NR6A1: variants seen among roughly 807,000 people sequenced by gnomAD.
The protein encoded by NR6A1 is nuclear receptor subfamily 6 group A member 1.
NR6A1 carries 7 observed loss-of-function variants against 59.1 expected under a neutral mutation model. The ratio of observed to expected loss-of-function variants is 0.12; its 90% CI spans 0.07 to 0.22. The LOEUF is 0.22. Among genes scored for constraint, NR6A1 ranks in the 10% least tolerant of loss-of-function variants. The pLI, the probability that NR6A1 is intolerant of heterozygous loss-of-function variation, is 1.00. For missense variants in NR6A1, 468 were observed against 611.6 expected (o/e 0.77, Z 2.48); for synonymous variants, 243 against 236.1 (o/e 1.03, Z -0.27).
intron 1 of NR6A1, among the ~76,000 whole-genome samples, chr9:124,751,853 T>A (rs1468235159): frequency 9.2e-5 from 14 of 152,258 alleles, no homozygotes; most frequent in Admixed American, 9.2e-4. Flanking sequence ...ATTTTAAGGA[T>A]GCTATTTAAA....
chr9:124,704,736 AAAAT>A (rs1455585802), intron 2 of NR6A1, among the ~76,000 whole-genome samples: 3 of 152,058 alleles, frequency 2.0e-5, no homozygotes, highest in Non-Finnish European at 2.9e-5. Flanking sequence ...TTAGTTAAAA[AAAAT>A]TTTTGTGTGT....
At chr9:124,689,580 G>C (rs935450824) in intron 2 of NR6A1, among the ~76,000 whole-genome samples, 15 of 152,236 alleles carry the variant, frequency 9.9e-5, no homozygotes, top group African/African-American at 3.6e-4. Flanking sequence ...GGATTTTCAT[G>C]GCTGTGTGTG....
chr9:124,527,483 G>T (rs1487246958), intron 7 of NR6A1, among the ~76,000 whole-genome samples: 1 of 152,212 alleles, frequency 6.6e-6, no homozygotes, highest in Admixed American at 6.5e-5. Flanking sequence ...AACGTTAACT[G>T]AGTTTCCATA....
chr9:124,573,612 T>C (rs1044193059), intron 2 of NR6A1, among the ~76,000 whole-genome samples: 1 of 152,244 alleles, frequency 6.6e-6, no homozygotes, highest in South Asian at 2.1e-4. Flanking sequence ...TTCTGACACC[T>C]ATCTTCATTA....
intron 2 of NR6A1, chr9:124,698,556 C>T (rs142550082): frequency 2.0e-5 from 3 of 152,310 alleles, no homozygotes; most frequent in Admixed American, 6.5e-5. Context: ...CAACAAGATC[C>T]AACTGGACTT....
intron 2 of NR6A1, among the ~76,000 whole-genome samples, chr9:124,719,519 T>A (rs1839502645): frequency 6.6e-6 from 1 of 152,202 alleles, no homozygotes; most frequent in Non-Finnish European, 1.5e-5. Context: ...AATTATTTAA[T>A]GTAGGAGCTG....
At chr9:124,666,727 T>C (rs1837633039) in intron 2 of NR6A1, among the ~76,000 whole-genome samples, 1 of 152,194 alleles carries the variant, frequency 6.6e-6, no homozygotes, top group South Asian at 2.1e-4. Context: ...GTTGACAGCT[T>C]AGTATATCCC....
chr9:124,596,075 C>T (rs1475898366), intron 2 of NR6A1, among the ~76,000 whole-genome samples: 1 of 152,212 alleles, frequency 6.6e-6, no homozygotes, highest in East Asian at 1.9e-4. Flanking sequence ...GGAACCATTT[C>T]ATGGGAAATT....
At chr9:124,726,082 G>A (rs1839708706) in intron 2 of NR6A1, among the ~76,000 whole-genome samples, 1 of 152,202 alleles carries the variant, frequency 6.6e-6, no homozygotes, top group African/African-American at 2.4e-5. Flanking sequence ...ATTGGGTGAT[G>A]TCAAAGGCAT....
At chr9:124,706,109 G>T (rs890450238) in intron 2 of NR6A1, among the ~76,000 whole-genome samples, 11 of 152,028 alleles carry the variant, frequency 7.2e-5, no homozygotes, top group Non-Finnish European at 1.6e-4. Context: ...ATATTTTGTT[G>T]TTTACTTAGT....
At chr9:124,700,932 T>A (rs1838928377) in intron 2 of NR6A1, among the ~76,000 whole-genome samples, 1 of 152,028 alleles carries the variant, frequency 6.6e-6, no homozygotes, top group Non-Finnish European at 1.5e-5. Context: ...AGCTAATTTT[T>A]GTATTTTTAG....
intron 1 of NR6A1, among the ~76,000 whole-genome samples, chr9:124,769,912 C>G (rs1287934335): frequency 6.6e-6 from 1 of 152,212 alleles, no homozygotes; most frequent in Admixed American, 6.5e-5. Context: ...TAACACGTTA[C>G]CAATAAAAAC....
chr9:124,755,481 C>G (rs1204418519), intron 1 of NR6A1, among the ~76,000 whole-genome samples: 1 of 152,148 alleles, frequency 6.6e-6, no homozygotes, highest in Non-Finnish European at 1.5e-5. Flanking sequence ...TAACACCTTA[C>G]CGCTTGCTCA....
At chr9:124,666,791 A>G (rs913396266) in intron 2 of NR6A1, among the ~76,000 whole-genome samples, 5 of 152,110 alleles carry the variant, frequency 3.3e-5, no homozygotes, top group Non-Finnish European at 7.3e-5. Context: ...AAGGTGTTGT[A>G]CTCGGGCACT....
intron 2 of NR6A1, among the ~76,000 whole-genome samples, chr9:124,614,818 CCAAA>C (rs1292606779): frequency 6.6e-6 from 1 of 152,164 alleles, no homozygotes; most frequent in Non-Finnish European, 1.5e-5. Flanking sequence ...GCAACTCTGC[CCAAA>C]CAGACCTTCC....
At chr9:124,544,847 G>A (rs1378829414) in intron 3 of NR6A1, among the ~76,000 whole-genome samples, 4 of 152,154 alleles carry the variant, frequency 2.6e-5, no homozygotes, top group African/African-American at 4.8e-5. Flanking sequence ...AAGAAGGAAT[G>A]TAGGGGGGCA....
At chr9:124,539,038 T>A (rs1833367008) in intron 5 of NR6A1, among the ~76,000 whole-genome samples, 1 of 151,824 alleles carries the variant, frequency 6.6e-6, no homozygotes, top group Non-Finnish European at 1.5e-5. Flanking sequence ...CAAGACTCCA[T>A]CTCTTTTTTT....
At chr9:124,682,291 C>T (rs546009025) in intron 2 of NR6A1, among the ~76,000 whole-genome samples, 2 of 152,226 alleles carry the variant, frequency 1.3e-5, no homozygotes, top group South Asian at 4.1e-4. Flanking sequence ...CATCAGCCAT[C>T]GCGCCTGGCC....
chr9:124,714,389 C>A (rs550025879), intron 2 of NR6A1, among the ~76,000 whole-genome samples: 36 of 152,232 alleles, frequency 2.4e-4, no homozygotes, highest in Non-Finnish European at 4.0e-4. Context: ...GTAAATGCTA[C>A]GTCATGTATA....
Sources: allele counts gnomAD v4.1 joint callset (sites outside exome capture counted in the v4.1 genomes callset), GRCh38; gene constraint gnomAD v4.1.1; transcripts MANE v1.5; gene names NCBI Gene and HGNC (gene_info 2026-07-23, HGNC 2026-07-21).